The following CHRNA6 variants were observed in gnomAD, a reference collection of about 807,000 sequenced individuals.
The protein encoded by CHRNA6 is cholinergic receptor nicotinic alpha 6 subunit, also known as neuronal acetylcholine receptor subunit alpha-6.
CHRNA6 carries 31 observed loss-of-function variants against 40.9 expected under a neutral mutation model. The observed-to-expected ratio is 0.76, with a 90% CI of 0.57 to 1.02. The LOEUF (loss-of-function observed/expected upper bound fraction) is 1.02, where lower values mean the gene tolerates loss of function less well. CHRNA6 is among the 50% of genes least tolerant of loss of function. The probability of loss-of-function intolerance (pLI) is 0.00; values close to 1 mark genes in which losing one functional copy is unlikely to be tolerated. For synonymous variants in CHRNA6, 222 were observed against 221.3 expected (o/e 1.00, Z -0.03); for missense variants, 546 against 596.6 (o/e 0.92, Z 0.88).
At chr8:42,759,379 C>T in intron 2 of CHRNA6, 1 of 428,118 alleles carries the variant, frequency 2.3e-6, no homozygotes, top group Non-Finnish European at 4.3e-6. Context: ...TGAAGTGCTT[C>T]CGATCTCTGC....
chr8:42,754,315 G>C (rs931167622), intron 5 of CHRNA6, among the ~76,000 whole-genome samples: 12 of 152,116 alleles, frequency 7.9e-5, no homozygotes, highest in African/African-American at 2.9e-4. Flanking sequence ...ACATAGCTGG[G>C]ACAACAGGCT....
chr8:42,759,147 T>C (rs1816856982), intron 2 of CHRNA6, 34 bp from the exon 3 acceptor site: 5 of 1,581,244 alleles, frequency 3.2e-6, no homozygotes, highest in Non-Finnish European at 4.3e-6. Flanking sequence ...TAGCCTCAAA[T>C]GTGCTTGCCA....
chr8:42,754,259 A>G (rs932655663), intron 5 of CHRNA6, among the ~76,000 whole-genome samples: 9 of 152,006 alleles, frequency 5.9e-5, no homozygotes, highest in Non-Finnish European at 1.0e-4. Flanking sequence ...GGCTCACTGG[A>G]ACTTGGAACT....
chr8:42,766,805 T>C (rs959601309), intron 1 of CHRNA6, among the ~76,000 whole-genome samples: 5 of 152,176 alleles, frequency 3.3e-5, no homozygotes, highest in Non-Finnish European at 5.9e-5. Context: ...ACCTAGGTGA[T>C]GGGTTGATCT....
chr8:42,768,104 T>C (rs1273568705), intron 1 of CHRNA6, among the ~76,000 whole-genome samples: 1 of 152,212 alleles, frequency 6.6e-6, no homozygotes, highest in Non-Finnish European at 1.5e-5. Context: ...ATTCTCCTTA[T>C]TATATTTTAA....
intron 1 of CHRNA6, 77 bp from the exon 2 acceptor site, chr8:42,765,281 C>G: frequency 6.5e-7 from 1 of 1,531,052 alleles, no homozygotes; most frequent in Non-Finnish European, 9.0e-7. Flanking sequence ...CAATTCTTCC[C>G]GGGCCCTGTG....
At position 42,755,229 on chromosome 8, in the gene CHRNA6, A is replaced by G. The variant is rs116748963; in HGVS notation, c.1353+617T>C. Reference sequence around the variant, plus strand: ...AGTTCAGGGTCTCACTATGTTGCCCAGGCTGAGGCTCTTAGTTTCATTAAC... The same window carrying G: ...AGTTCAGGGTCTCACTATGTTGCCCGGGCTGAGGCTCTTAGTTTCATTAAC... On this transcript the variant is annotated intron_variant, in intron 5 of 5. Coordinates refer to ENST00000276410, the MANE Select transcript of CHRNA6 (RefSeq NM_004198.3). Among the ~76,000 whole-genome samples the G allele has an allele frequency of 5.6e-3, 811 of 146,024 alleles. 5 individuals are homozygous for G. Among genetic ancestry groups the G allele is most frequent in the African/African-American group, 0.02 (772 of 38,352 alleles).
rs892284569 is a variant in CHRNA6, at chr8:42,756,976, C to T, written c.326G>A (p.Arg109His). 22 of 1,613,888 alleles carry T rather than the reference C, an allele frequency of 1.4e-5. No individual in the cohort carries two copies. The highest frequency in any genetic ancestry group is 2.7e-5 in the African/African-American group (2 of 74,898). ...CTTCCAAATCTTATCTGCAGGAACG[C>T]GAAGAGTCTCAATGCCATCATATTC... is the stretch of plus-strand genomic sequence containing the variant. ...PMEYDGIETLRVPADKIWKPD... is the reference protein window; with the variant it reads ...PMEYDGIETLHVPADKIWKPD... Residue 109 changes from arginine to histidine, a missense_variant, in exon 4 of 6, where the codon CGC (arginine) becomes CAC (histidine). Arg to His is a conservative substitution (Grantham distance 29). Transcript: ENST00000276410.
At chr8:42,759,854 C>T (rs540070978) in intron 2 of CHRNA6, among the ~76,000 whole-genome samples, 64 of 147,964 alleles carry the variant, frequency 4.3e-4, no homozygotes, top group South Asian at 1.9e-3. Flanking sequence ...GAGCGGAGAT[C>T]GTGCCACTGT....
chr8:42,767,301 T>C (rs966566425), intron 1 of CHRNA6, among the ~76,000 whole-genome samples: 1 of 152,214 alleles, frequency 6.6e-6, no homozygotes, highest in South Asian at 2.1e-4. Flanking sequence ...AATTGGTTCT[T>C]AAATAATAGC....
chr8:42,756,913 G>T lies in CHRNA6; in HGVS notation c.374+15C>A. 1 of 1,611,092 alleles carries T rather than the reference G, an allele frequency of 6.2e-7. No homozygotes were observed. The highest frequency in any genetic ancestry group is 8.5e-7 in the Non-Finnish European group (1 of 1,177,296). On this transcript the variant is annotated intron_variant, in intron 4 of 5. Transcript: ENST00000276410. Reference sequence around the variant, plus strand: ...GCAGCTTTGGAAAGAGGCTACGGTGGTCAGAGACCCATACTTGTTATAGAG... The same window carrying T: ...GCAGCTTTGGAAAGAGGCTACGGTGTTCAGAGACCCATACTTGTTATAGAG...
intron 2 of CHRNA6, among the ~76,000 whole-genome samples, chr8:42,761,675 C>T (rs918326848): frequency 1.3e-5 from 2 of 152,238 alleles, no homozygotes; most frequent in Non-Finnish European, 2.9e-5. Context: ...TACTCTCTCT[C>T]CATCCAATTC....
intron 5 of CHRNA6, among the ~76,000 whole-genome samples, chr8:42,753,844 A>G (rs1816755910): frequency 6.6e-6 from 1 of 152,192 alleles, no homozygotes; most frequent in African/African-American, 2.4e-5. Flanking sequence ...GTGGGTCACC[A>G]GGGACTTTCC....
intron 3 of CHRNA6, 119 bp downstream of exon 3, chr8:42,758,950 G>C (rs1159899234): frequency 2.5e-6 from 2 of 788,432 alleles, no homozygotes; most frequent in Non-Finnish European, 4.3e-6. Flanking sequence ...TTTAGGCTTT[G>C]GAGATGACCT....
chr8:42,757,133 A>G (rs1452672028), intron 3 of CHRNA6, 96 bp from the exon 4 acceptor site: 4 of 861,728 alleles, frequency 4.6e-6, no homozygotes, highest in African/African-American at 1.7e-5. Context: ...TGGGAGGCCG[A>G]GGCAGGCAGG....
chr8:42,766,091 C>T (rs1478362942), intron 1 of CHRNA6, among the ~76,000 whole-genome samples: 1 of 152,206 alleles, frequency 6.6e-6, no homozygotes, highest in Non-Finnish European at 1.5e-5. Flanking sequence ...GAATATAAAT[C>T]ATTCTATTAT....
At chr8:42,765,649 C>T (rs530964383) in intron 1 of CHRNA6, among the ~76,000 whole-genome samples, 47 of 152,288 alleles carry the variant, frequency 3.1e-4, no homozygotes, top group African/African-American at 9.9e-4. Flanking sequence ...AAATCTGTAT[C>T]TACACCAGCA....
At chr8:42,754,571 C>T (rs865939818) in intron 5 of CHRNA6, among the ~76,000 whole-genome samples, 2 of 152,114 alleles carry the variant, frequency 1.3e-5, no homozygotes, top group Middle Eastern at 3.2e-3. Context: ...TGCATGACAG[C>T]CATTCACAGC....
At chr8:42,759,634 A>T (rs535951897) in intron 2 of CHRNA6, among the ~76,000 whole-genome samples, 98 of 152,200 alleles carry the variant, frequency 6.4e-4, no homozygotes, top group African/African-American at 2.3e-3. Flanking sequence ...GCGGTGGCTC[A>T]CACCTGTAAT....
Sources: gnomAD v4.1 joint callset for allele counts (sites outside exome capture counted in the v4.1 genomes callset) on GRCh38, gnomAD v4.1.1 for gene constraint, MANE v1.5 for transcripts, NCBI Gene and HGNC (gene_info 2026-07-23, HGNC 2026-07-21) for gene names.